The following INSIG2 variants were observed in gnomAD, a reference collection of about 807,000 sequenced individuals.
The protein encoded by INSIG2 is insulin-induced gene 2 protein.
Under a neutral mutation model 27.2 loss-of-function variants are expected in INSIG2, and 10 were observed. The ratio of observed to expected loss-of-function variants is 0.37; its 90% CI spans 0.23 to 0.62. INSIG2 has a LOEUF of 0.62. INSIG2 is among the 20% of genes least tolerant of loss of function. INSIG2 has a pLI of 0.65. For missense variants in INSIG2, 178 were observed against 270.2 expected (o/e 0.66, Z 2.39); for synonymous variants, 97 against 95.8 (o/e 1.01, Z -0.07).
At chr2:118,089,160 G>A (rs1018932555) in intron 1 of INSIG2, among the ~76,000 whole-genome samples, 1 of 152,194 alleles carries the variant, frequency 6.6e-6, no homozygotes, top group African/African-American at 2.4e-5. Context: ...AGTGGGGATT[G>A]GCAATATGGA....
intron 2 of INSIG2, among the ~76,000 whole-genome samples, chr2:118,100,910 A>G (rs929609734): frequency 6.6e-6 from 1 of 152,178 alleles, no homozygotes; most frequent in African/African-American, 2.4e-5. Context: ...TACTACTGAT[A>G]TTTTACAAAC....
At chr2:118,094,010 AGATGATGAT>A (rs372312794) in intron 1 of INSIG2, among the ~76,000 whole-genome samples, 14 of 11,654 alleles carry the variant, frequency 1.2e-3, no homozygotes, top group African/African-American at 3.3e-3. Flanking sequence ...AAAAGCAACC[AGATGATGAT>A]GATGATGATG....
intron 2 of INSIG2, 98 bp from the exon 3 acceptor site, chr2:118,103,099 T>A (rs1351999216): frequency 2.1e-5 from 19 of 885,200 alleles, no homozygotes; most frequent in South Asian, 3.2e-5. Context: ...TTTTTAAGAA[T>A]CTTTAAAATG....
At chr2:118,101,908 A>G (rs548276738) in intron 2 of INSIG2, among the ~76,000 whole-genome samples, 51 of 152,352 alleles carry the variant, frequency 3.3e-4, no homozygotes, top group African/African-American at 1.1e-3. Flanking sequence ...ACAGTATTGC[A>G]GCATCTCATC....
intron 1 of INSIG2, among the ~76,000 whole-genome samples, chr2:118,092,234 G>A (rs1463337107): frequency 1.3e-5 from 2 of 152,194 alleles, no homozygotes; most frequent in Non-Finnish European, 2.9e-5. Context: ...TTAGCAGCAC[G>A]TGAGGGCAAC....
chr2:118,103,046 T>C, intron 2 of INSIG2, 151 bp from the exon 3 acceptor site: 1 of 663,146 alleles, frequency 1.5e-6, no homozygotes, highest in East Asian at 2.6e-5. Flanking sequence ...AGTTAAAAAA[T>C]ATCGGTGATT....
In INSIG2 at chr2:118,103,340, T is replaced by C. The variant is rs890250506; in HGVS notation, c.369+19T>C. On this transcript the variant is annotated intron_variant, in intron 3 of 5. Transcript: ENST00000245787. ...CAGTGCTGTATCCTTTACTCTGTAA[T>C]GAAATGCATAATAACAAAGTGGCTT... is the stretch of plus-strand genomic sequence containing the variant. 3.8e-6 allele frequency: 6 copies of C among 1,593,016 alleles called. No individual in the cohort carries two copies. Among genetic ancestry groups the C allele is most frequent in the East Asian group, 2.2e-5 (1 of 44,630 alleles).
In INSIG2 at chr2:118,110,300, G is replaced by A. The variant is rs1242852036; in HGVS notation, c.*1978G>A. The A allele has an allele frequency of 6.6e-6, 1 of 152,170 alleles. No homozygotes were observed. The highest frequency in any genetic ancestry group is 1.5e-5 in the Non-Finnish European group (1 of 68,032). The allele number at this position is 152,170 out of a possible 1,614,324, so 9.4% of individuals were successfully genotyped here. A position where few individuals can be genotyped will look rare whatever the true frequency, so the allele number is the denominator to read the frequency against. On this transcript the variant is annotated 3_prime_UTR_variant, in exon 6 of 6. Coordinates refer to ENST00000245787, the MANE Select transcript of INSIG2 (RefSeq NM_016133.4). ...GAAACAGTTGATGAACACATATTGT[G>A]TATGGTATATGTATTATATACTGTT...
chr2:118,088,619 G>T, intron 1 of INSIG2, 78 bp downstream of exon 1: 1 of 153,052 alleles, frequency 6.5e-6, no homozygotes, highest in South Asian at 2.1e-4. Context: ...GTGGCCCTTG[G>T]GAAGAAGAAC....
chr2:118,098,311 C>T (rs576391256), intron 2 of INSIG2, among the ~76,000 whole-genome samples: 3 of 152,254 alleles, frequency 2.0e-5, no homozygotes, highest in Non-Finnish European at 2.9e-5. Flanking sequence ...TGAATGTCTG[C>T]TAATGTGCTA....
Position 118,108,442 on chromosome 2 carries a change from G to A in INSIG2, c.*120G>A, listed in dbSNP as rs559232105. ...GGATGCAGTTTTCCCCTTGATTGGC[G>A]TGTGTGTATATATGGATAAATATAT... is the stretch of plus-strand genomic sequence containing the variant. On this transcript the variant is annotated 3_prime_UTR_variant, in exon 6 of 6. Coordinates refer to ENST00000245787, the MANE Select transcript of INSIG2 (RefSeq NM_016133.4). 4.8e-4 allele frequency: 334 copies of A among 688,932 alleles called. 1 individual carries two copies. The highest frequency in any genetic ancestry group is 4.9e-4 in the Middle Eastern group (2 of 4,078). The allele number at this position is 688,932 out of a possible 1,614,324, so 42.7% of individuals were successfully genotyped here.
intron 3 of INSIG2, among the ~76,000 whole-genome samples, chr2:118,104,744 C>G (rs1404500411): frequency 6.6e-6 from 1 of 152,172 alleles, no homozygotes; most frequent in Non-Finnish European, 1.5e-5. Context: ...TTTTCCTACC[C>G]AGGAACCTCA....
At chr2:118,095,514 A>C (rs1280272163) in intron 1 of INSIG2, among the ~76,000 whole-genome samples, 1 of 152,232 alleles carries the variant, frequency 6.6e-6, no homozygotes, top group Non-Finnish European at 1.5e-5. Context: ...TAAATGAATT[A>C]CCACATGTCA....
At chr2:118,106,454 G>A (rs1363665262) in intron 3 of INSIG2, among the ~76,000 whole-genome samples, 1 of 152,166 alleles carries the variant, frequency 6.6e-6, no homozygotes, top group Non-Finnish European at 1.5e-5. Flanking sequence ...TTATAATTGG[G>A]AATGTATGTA....
At chr2:118,106,023 G>T (rs953303177) in intron 3 of INSIG2, among the ~76,000 whole-genome samples, 1 of 152,184 alleles carries the variant, frequency 6.6e-6, no homozygotes, top group Non-Finnish European at 1.5e-5. Context: ...GCTTAAGTAG[G>T]TGATGAAAAT....
intron 2 of INSIG2, among the ~76,000 whole-genome samples, chr2:118,100,523 C>G (rs373498291): frequency 6.6e-6 from 1 of 151,844 alleles, no homozygotes; most frequent in African/African-American, 2.4e-5. Flanking sequence ...GGATTACAGG[C>G]GCCCACCACT....
chr2:118,102,196 C>T (rs1678564376), intron 2 of INSIG2, among the ~76,000 whole-genome samples: 1 of 152,170 alleles, frequency 6.6e-6, no homozygotes, highest in Non-Finnish European at 1.5e-5. Flanking sequence ...GCCAGAATGG[C>T]ACAACATAAT....
intron 2 of INSIG2, among the ~76,000 whole-genome samples, chr2:118,097,866 C>T (rs74335158): frequency 0.017 from 2,577 of 152,232 alleles, 32 homozygotes; most frequent in Non-Finnish European, 0.029. Context: ...TTGCGCTTTA[C>T]GGAAGTGTTA....
Position 118,090,732 on chromosome 2 carries a change from C to T in INSIG2, c.-139+2191C>T, listed in dbSNP as rs1678204750. On this transcript the variant is annotated intron_variant, in intron 1 of 5. Transcript: ENST00000245787. ...ACCAACATGATTTTAAAAACGGTTT[C>T]TTGTGTGGCACTTAAATTGTTTTGT... 2.0e-5 allele frequency among the ~76,000 whole-genome samples: 3 copies of T among 152,120 alleles called. No individual in the cohort carries two copies. The South Asian group carries it at 6.2e-4, about 32-fold the overall frequency.
Sources: gnomAD v4.1 joint callset for allele counts (sites outside exome capture counted in the v4.1 genomes callset) on GRCh38, gnomAD v4.1.1 for gene constraint, MANE v1.5 for transcripts, NCBI Gene and HGNC (gene_info 2026-07-23, HGNC 2026-07-21) for gene names.